Variants in TNKS observed in about 807,000 individuals in gnomAD.
TNKS encodes poly [ADP-ribose] polymerase tankyrase-1.
TNKS carries 72 observed loss-of-function variants against 135.8 expected under a neutral mutation model. That is an observed-to-expected ratio of 0.53 (90% CI 0.44 to 0.64). The LOEUF is 0.64. Among genes scored for constraint, TNKS ranks in the 30% least tolerant of loss-of-function variants. The pLI is 0.00. For missense variants in TNKS, 1,769 were observed against 1,674.0 expected, an observed-to-expected ratio of 1.06 and a Z score of -0.99; for synonymous variants, 849 against 649.3, an observed-to-expected ratio of 1.31 and a Z score of -4.68.
At chr8:9,593,236 G>A (rs1011559910) in intron 2 of TNKS, among the ~76,000 whole-genome samples, 3 of 152,196 alleles carry the variant, frequency 2.0e-5, no homozygotes, top group African/African-American at 4.8e-5. Context: ...TAGCCAAGCA[G>A]TGTCACTAAT....
chr8:9,730,168 C>A (rs1002452416), intron 13 of TNKS, among the ~76,000 whole-genome samples: 4 of 152,136 alleles, frequency 2.6e-5, no homozygotes, highest in African/African-American at 9.7e-5. Flanking sequence ...TCCATGGCAT[C>A]CTGCTGCTTT....
Position 9,656,419 on chromosome 8 carries a change from A to C in TNKS, c.995-23532A>C, listed in dbSNP as rs563577285. Among the ~76,000 whole-genome samples the C allele has an allele frequency of 7.9e-5, 12 of 152,106 alleles. No individual in the cohort carries two copies. In the East Asian group the frequency reaches 2.1e-3, roughly 27 times the overall value. On this transcript the variant is annotated intron_variant, in intron 3 of 26. Transcript: ENST00000310430. ...ACAAAGATACTCCTCGAGAAGAGCA[A>C]CTCCAAGACACCTAATTGTCAAATT...
At position 9,717,083 on chromosome 8, in the gene TNKS, ATATATATATATATATATATT is replaced by A. The variant is rs1211269616; in HGVS notation, c.1750-3289_1750-3270del. Among the ~76,000 whole-genome samples the A allele has an allele frequency of 5.8e-5, 7 of 120,120 alleles. 2 individuals are homozygous for A. The highest frequency in any genetic ancestry group is 1.5e-4 in the African/African-American group (5 of 34,420). The allele number at this position is 120,120 out of a possible 152,430, so 78.8% of individuals were successfully genotyped here. On this transcript the variant is annotated intron_variant, in intron 11 of 26. Transcript: ENST00000310430. ...ATCTGTTGTATTATAATATATATAT[ATATATATATATATATATATT>A]TTCAGGGAATTTGATTGTTTCTTTT...
intron 3 of TNKS, among the ~76,000 whole-genome samples, chr8:9,662,509 A>G (rs895813013): frequency 1.3e-5 from 2 of 151,996 alleles, no homozygotes; most frequent in African/African-American, 2.4e-5. Flanking sequence ...AAAACCAAAC[A>G]CCGTATGTTC....
intron 20 of TNKS, among the ~76,000 whole-genome samples, chr8:9,754,838 T>C (rs2128830034): frequency 6.6e-6 from 1 of 152,318 alleles, no homozygotes; most frequent in South Asian, 2.1e-4. Flanking sequence ...AATCATTTTC[T>C]TTTCCAACCA....
intron 3 of TNKS, among the ~76,000 whole-genome samples, chr8:9,659,674 A>C (rs1369264695): frequency 1.3e-5 from 2 of 152,218 alleles, no homozygotes; most frequent in East Asian, 3.8e-4. Context: ...CAATTAAAAG[A>C]ACTAGAGAAG....
At chr8:9,705,967 G>T (rs575772438) in intron 6 of TNKS, among the ~76,000 whole-genome samples, 1 of 151,782 alleles carries the variant, frequency 6.6e-6, no homozygotes, top group African/African-American at 2.4e-5. Context: ...CTTCTATTTG[G>T]TATTTTTTTC....
chr8:9,629,040 T>C (rs564079947), intron 3 of TNKS, among the ~76,000 whole-genome samples: 1 of 152,328 alleles, frequency 6.6e-6, no homozygotes, highest in South Asian at 2.1e-4. Context: ...TCCAAATCCA[T>C]TTTTCTTAGT....
At chr8:9,611,575 C>T (rs922423998) in intron 2 of TNKS, among the ~76,000 whole-genome samples, 1 of 152,092 alleles carries the variant, frequency 6.6e-6, no homozygotes, top group Admixed American at 6.5e-5. Flanking sequence ...TTTAATGGCT[C>T]AGAATGTTGA....
intron 3 of TNKS, chr8:9,670,133 T>A (rs1452530041): frequency 6.6e-6 from 1 of 152,220 alleles, no homozygotes; most frequent in Non-Finnish European, 1.5e-5. Flanking sequence ...CACATTTCGT[T>A]CAGTTGAAAA....
At chr8:9,724,910 A>G (rs1805085330) in intron 12 of TNKS, among the ~76,000 whole-genome samples, 1 of 152,240 alleles carries the variant, frequency 6.6e-6, no homozygotes, top group Admixed American at 6.5e-5. Flanking sequence ...AAATTTTGCC[A>G]TATTAAATGT....
chr8:9,710,044 AGAGT>A lies in TNKS; in HGVS notation c.1669_1670+2del. ...GAGCAAATGTTAATGAAAAAAATAA[AGAGT>A]AAGTATAATTGCAGAAGGAGTTGTT... On this transcript the variant is annotated splice_donor_variant and coding_sequence_variant, in exon 10 of 27. Coordinates refer to ENST00000310430, the MANE Select transcript of TNKS (RefSeq NM_003747.3). LOFTEE classifies it high-confidence loss of function. 6.2e-7 allele frequency: 1 copy of A among 1,613,474 alleles called. No individual in the cohort carries two copies. Among genetic ancestry groups the A allele is most frequent in the Non-Finnish European group, 8.5e-7 (1 of 1,179,386 alleles).
intron 2 of TNKS, among the ~76,000 whole-genome samples, chr8:9,610,462 T>A (rs1799417738): frequency 6.6e-6 from 1 of 151,966 alleles, no homozygotes. Flanking sequence ...AACGCAAGGA[T>A]CTATCGTGTT....
intron 2 of TNKS, among the ~76,000 whole-genome samples, chr8:9,593,468 A>G (rs1380486155): frequency 1.3e-5 from 2 of 152,214 alleles, no homozygotes; most frequent in Non-Finnish European, 2.9e-5. Flanking sequence ...AAGTCTGCCA[A>G]ATTAATTCTT....
intron 3 of TNKS, among the ~76,000 whole-genome samples, chr8:9,660,607 A>G (rs561854251): frequency 4.3e-4 from 66 of 152,344 alleles, no homozygotes; most frequent in African/African-American, 1.5e-3. Flanking sequence ...AGAGCTATCT[A>G]TGACAAACCC....
At chr8:9,651,787 T>C (rs532834074) in intron 3 of TNKS, among the ~76,000 whole-genome samples, 6 of 152,310 alleles carry the variant, frequency 3.9e-5, no homozygotes, top group African/African-American at 9.6e-5. Context: ...CTGTTGGAAA[T>C]AGTCATTATC....
intron 2 of TNKS, among the ~76,000 whole-genome samples, chr8:9,601,802 C>T (rs1322316364): frequency 2.0e-5 from 3 of 152,118 alleles, no homozygotes; most frequent in Admixed American, 6.5e-5. Context: ...TTACTATTTA[C>T]TACTATTATC....
At chr8:9,646,557 A>G (rs753197189) in intron 3 of TNKS, among the ~76,000 whole-genome samples, 1 of 152,142 alleles carries the variant, frequency 6.6e-6, no homozygotes, top group Non-Finnish European at 1.5e-5. Context: ...CCCTAATCTC[A>G]TAACATGTTC....
At chr8:9,767,116 T>C (rs529288400) in intron 25 of TNKS, among the ~76,000 whole-genome samples, 3 of 152,284 alleles carry the variant, frequency 2.0e-5, no homozygotes, top group African/African-American at 4.8e-5. Context: ...ATAAAAAACA[T>C]AGACTCTTTA....
Sources: gnomAD v4.1 joint callset for allele counts (sites outside exome capture counted in the v4.1 genomes callset) on GRCh38, gnomAD v4.1.1 for gene constraint, MANE v1.5 for transcripts, NCBI Gene and HGNC (gene_info 2026-07-23, HGNC 2026-07-21) for gene names.